CTDP1: variants seen among roughly 807,000 people sequenced by gnomAD.
CTDP1 encodes RNA polymerase II subunit A C-terminal domain phosphatase.
In CTDP1, 47 loss-of-function variants were observed where a neutral mutation model predicts 91.8. The ratio of observed to expected loss-of-function variants is 0.51; its 90% confidence interval spans 0.41 to 0.65. The LOEUF (loss-of-function observed/expected upper bound fraction) is 0.65, where lower values mean the gene tolerates loss of function less well. Ranked by LOEUF, CTDP1 falls within the 30% of genes least tolerant of loss-of-function variation. CTDP1 has a pLI of 0.00. For synonymous variants in CTDP1, 656 were observed against 598.5 expected (o/e 1.10, Z -1.40); for missense variants, 1,272 against 1,373.7 (o/e 0.93, Z 1.17).
Position 79,710,646 on chromosome 18 carries a change from G to A in CTDP1, c.863+210G>A, listed in dbSNP as rs370894073. Among the ~76,000 whole-genome samples the A allele has an allele frequency of 3.4e-5, 5 of 147,554 alleles. No homozygotes were observed. The South Asian group carries it at 8.6e-4, about 25-fold the overall frequency. On this transcript the variant is annotated intron_variant, in intron 6 of 12. Coordinates refer to ENST00000613122, the MANE Select transcript of CTDP1 (RefSeq NM_004715.5). ...CGCCATTCTCCTGCCTCAGCCTCCT[G>A]AGTAGCTAGGACTACAGGCACCCAC... is the stretch of plus-strand genomic sequence containing the variant.
At chr18:79,693,939 C>T (rs1322696248) in intron 1 of CTDP1, among the ~76,000 whole-genome samples, 2 of 152,194 alleles carry the variant, frequency 1.3e-5, no homozygotes, top group Non-Finnish European at 2.9e-5. Context: ...CCCAGTCTCC[C>T]AGCACAGCCT....
Position 79,713,172 on chromosome 18 carries a change from T to C in CTDP1, c.1030+34T>C, listed in dbSNP as rs1239084839. The C allele has an allele frequency of 6.2e-7, 1 of 1,601,704 alleles. No individual in the cohort carries two copies. The highest frequency in any genetic ancestry group is 1.1e-5 in the South Asian group (1 of 90,274). ...CCTCCTTCCTGATTCTCTAGAAGAA[T>C]TCACATTTGCTTATTGTTTAGCTCT... is the stretch of plus-strand genomic sequence containing the variant. On this transcript the variant is annotated intron_variant, in intron 7 of 12. Coordinates refer to ENST00000613122, the MANE Select transcript of CTDP1 (RefSeq NM_004715.5). The surrounding 1 kb of genome is among the most constrained non-coding windows in gnomAD (Gnocchi z 4.7).
At chr18:79,742,374 T>A (rs1329657591) in intron 12 of CTDP1, among the ~76,000 whole-genome samples, 1 of 152,012 alleles carries the variant, frequency 6.6e-6, no homozygotes, top group Non-Finnish European at 1.5e-5. Context: ...CACAGCCGCT[T>A]CTCCTCAGAG....
At chr18:79,733,115 T>C (rs1011458753) in intron 11 of CTDP1, among the ~76,000 whole-genome samples, 2 of 152,240 alleles carry the variant, frequency 1.3e-5, no homozygotes, top group Non-Finnish European at 2.9e-5. Context: ...TGCTGTGGCC[T>C]CAGCACAGGA....
rs767021622 is a variant in CTDP1, at chr18:79,713,113, C to T, written c.1005C>T (p.Ser335=). The change falls in exon 7 of 13, where the codon TCC becomes TCT. Residue 335 remains serine (S), a synonymous_variant. Transcript: ENST00000613122. The surrounding 1 kb of genome is among the most constrained non-coding windows in gnomAD (Gnocchi z 4.7). ...GTGDMNAPPG[S]RESQTRKKVN... ...GTGATATGAATGCGCCCCCTGGGTC[C>T]CGAGAATCTCAGACGAGAAAGAAAG... The T allele has an allele frequency of 6.2e-7, 1 of 1,614,068 alleles. No homozygotes were observed. The highest frequency in any genetic ancestry group is 1.7e-5 in the Admixed American group (1 of 60,012).
chr18:79,684,826 G>A (rs1237054532), intron 1 of CTDP1, among the ~76,000 whole-genome samples: 2 of 152,194 alleles, frequency 1.3e-5, no homozygotes, highest in African/African-American at 4.8e-5. Context: ...CATCCTATCT[G>A]GCAGAAGTAA....
At chr18:79,679,463 T>A (rs1262201973), upstream of CTDP1, 3 of 455,984 alleles carry the variant, frequency 6.6e-6, no homozygotes, top group East Asian at 1.4e-4. Flanking sequence ...GGATGCTGGG[T>A]CTCAGCGCGT....
intron 4 of CTDP1, 24 bp from the exon 5 acceptor site, chr18:79,704,743 G>A (rs769596677): frequency 2.1e-5 from 34 of 1,612,500 alleles, no homozygotes; most frequent in African/African-American, 1.5e-4. Context: ...CTTTTCTCCC[G>A]ACTGTTGCTA....
At chr18:79,734,902 T>C (rs566064714) in intron 11 of CTDP1, among the ~76,000 whole-genome samples, 12 of 152,236 alleles carry the variant, frequency 7.9e-5, no homozygotes, top group Non-Finnish European at 1.5e-4. Flanking sequence ...ATGTTACTTT[T>C]AGAGATCATT....
intron 4 of CTDP1, among the ~76,000 whole-genome samples, chr18:79,698,673 A>G (rs2085797534): frequency 6.6e-6 from 1 of 152,096 alleles, no homozygotes; most frequent in African/African-American, 2.4e-5. Flanking sequence ...CCTCACCAAC[A>G]CTGAGTTGTT....
intron 12 of CTDP1, among the ~76,000 whole-genome samples, chr18:79,748,851 G>A (rs1170103036): frequency 6.6e-6 from 1 of 152,014 alleles, no homozygotes; most frequent in Non-Finnish European, 1.5e-5. Context: ...CATGAGCCGT[G>A]TCTGTGTGTG....
intron 11 of CTDP1, among the ~76,000 whole-genome samples, chr18:79,735,224 G>C (rs556385418): frequency 6.6e-6 from 1 of 152,162 alleles, no homozygotes; most frequent in Non-Finnish European, 1.5e-5. Flanking sequence ...TACCTGCTGC[G>C]GGGGTGGGGT....
intron 12 of CTDP1, among the ~76,000 whole-genome samples, chr18:79,736,794 C>T (rs1313547081): frequency 1.3e-5 from 2 of 149,800 alleles, no homozygotes; most frequent in East Asian, 2.0e-4. Context: ...GGTGTCTACA[C>T]GTGCACAGGC....
In CTDP1 at chr18:79,696,000, A is replaced by G. The variant is rs566903835; in HGVS notation, c.422A>G (p.Gln141Arg). ...LTQLQSKNGK[Q>R]QVPLSTATVS... The stretch of plus-strand genomic sequence containing the variant: ...AGGTTGCAGAGTAAGAACGGGAAGC[A>G]GCAGGTGCCGCTGTCCACGGCGACC... The change falls in exon 3 of 13, where the codon CAG becomes CGG. Residue 141 changes from glutamine to arginine, a missense_variant. Physicochemically the swap from Gln to Arg is conservative, Grantham distance 43. This residue lies in a region of CTDP1 where 177 missense variants were observed against 283.0 expected (regional missense o/e 0.63). Transcript: ENST00000613122. The G allele has an allele frequency of 1.2e-6, 2 of 1,612,760 alleles. No homozygotes were observed. Among genetic ancestry groups the G allele is most frequent in the Middle Eastern group, 3.3e-4 (2 of 6,062 alleles).
Position 79,735,162 on chromosome 18 carries a change from C to T in CTDP1, c.2581-1193C>T, listed in dbSNP as rs148301827. 6.3e-3 allele frequency among the ~76,000 whole-genome samples: 958 copies of T among 152,126 alleles called. 11 individuals carry two copies. Among genetic ancestry groups the T allele is most frequent in the African/African-American group, 0.022 (914 of 41,506 alleles). ...ACTCTGGACTCGGCCTCGACTGCTC[C>T]GAACCGCGCCTGTCTCGGGAGTTGT... On this transcript the variant is annotated intron_variant, in intron 11 of 12. Transcript: ENST00000613122.
At chr18:79,684,064 GC>G (rs1367312318) in intron 1 of CTDP1, among the ~76,000 whole-genome samples, 1 of 152,262 alleles carries the variant, frequency 6.6e-6, no homozygotes, top group Non-Finnish European at 1.5e-5. Context: ...GCAGACAGCG[GC>G]AGCAGCCTGA....
intron 1 of CTDP1, among the ~76,000 whole-genome samples, chr18:79,690,337 A>G (rs1454515845): frequency 6.6e-6 from 1 of 152,206 alleles, no homozygotes; most frequent in African/African-American, 2.4e-5. Context: ...TTTGAGGCAA[A>G]TAACTTGTTT....
At chr18:79,742,174 TGAAGCATGAGA>T (rs1568217185) in intron 12 of CTDP1, among the ~76,000 whole-genome samples, 16 of 69,416 alleles carry the variant, frequency 2.3e-4, no homozygotes, top group African/African-American at 6.8e-4. Flanking sequence ...AGAGGAAGCA[TGAAGCATGAGA>T]GAGAGAGAGA....
intron 8 of CTDP1, among the ~76,000 whole-genome samples, chr18:79,716,736 T>C (rs2086216994): frequency 6.6e-6 from 1 of 152,268 alleles, no homozygotes; most frequent in African/African-American, 2.4e-5. Context: ...CTCCTGGCCC[T>C]TCTCTCGCAT....
Sources: allele counts gnomAD v4.1 joint callset (sites outside exome capture counted in the v4.1 genomes callset), GRCh38; gene constraint gnomAD v4.1.1; regional missense constraint gnomAD v4.1.1; non-coding constraint Gnocchi (gnomAD v3.1); transcripts MANE v1.5; gene names NCBI Gene and HGNC (gene_info 2026-07-23, HGNC 2026-07-21).